The following SLC24A1 variants were observed in gnomAD, a reference collection of about 807,000 sequenced individuals.
SLC24A1 encodes solute carrier family 24 member 1, also known as sodium/potassium/calcium exchanger 1.
Under a neutral mutation model 88.1 loss-of-function variants are expected in SLC24A1, and 52 were observed. The ratio of observed to expected loss-of-function variants is 0.59; its 90% CI spans 0.47 to 0.74. The LOEUF (loss-of-function observed/expected upper bound fraction) is 0.74, where lower values mean the gene tolerates loss of function less well. Ranked by LOEUF, SLC24A1 falls within the 30% of genes least tolerant of loss-of-function variation. The pLI is 0.00. For synonymous variants in SLC24A1, 455 were observed against 498.0 expected, an observed-to-expected ratio of 0.91 and a Z score of 1.15; for missense variants, 1,173 against 1,363.3, an observed-to-expected ratio of 0.86 and a Z score of 2.20.
downstream of SLC24A1, chr15:65,659,351 T>TTTTTTTA (rs2075785606): frequency 7.5e-6 from 1 of 133,314 alleles, no homozygotes; most frequent in Non-Finnish European, 1.6e-5. Context: ...TTTTTTTTTT[T>TTTTTTTA]GAGACAGGGT....
chr15:65,651,560 C>CCAT (rs1239441534), intron 7 of SLC24A1, 110 bp from the exon 8 acceptor site: 4 of 678,782 alleles, frequency 5.9e-6, no homozygotes, highest in Middle Eastern at 4.0e-4. Flanking sequence ...CATTTTGCCT[C>CCAT]CATCACTCTT....
chr15:65,659,356 C>G (rs2075786755), downstream of SLC24A1: 1 of 73,996 alleles, frequency 1.4e-5, no homozygotes, highest in Non-Finnish European at 2.4e-5. Context: ...TTTTTTGAGA[C>G]AGGGTCTTGC....
At position 65,654,777 on chromosome 15, in the gene SLC24A1, C is replaced by T. The variant is rs1026656724; in HGVS notation, c.*698C>T. The T allele has an allele frequency of 9.3e-6, 10 of 1,078,642 alleles. No individual in the cohort carries two copies. The highest frequency in any genetic ancestry group is 1.2e-5 in the Non-Finnish European group (10 of 808,724). 66.8% of individuals were successfully genotyped at this position (1,078,642 alleles called of 1,614,324 possible). A position where few individuals can be genotyped will look rare whatever the true frequency, so the allele number is the denominator to read the frequency against. The stretch of plus-strand genomic sequence containing the variant: ...CTGGTGTGCAATGGCGTGATCTCGG[C>T]ACACCACAACCTTCACCTCCCCGGT... On this transcript the variant is annotated 3_prime_UTR_variant, in exon 10 of 10. Coordinates refer to ENST00000261892, the MANE Select transcript of SLC24A1 (RefSeq NM_004727.3).
At chr15:65,634,260 G>A (rs550536499) in intron 2 of SLC24A1, among the ~76,000 whole-genome samples, 2 of 152,302 alleles carry the variant, frequency 1.3e-5, no homozygotes, top group African/African-American at 4.8e-5. Context: ...TGTTATGGAT[G>A]GTTGAGAAGA....
chr15:65,655,363 C>G lies in SLC24A1; in HGVS notation c.*1284C>G. On this transcript the variant is annotated 3_prime_UTR_variant, in exon 10 of 10. Coordinates refer to ENST00000261892, the MANE Select transcript of SLC24A1 (RefSeq NM_004727.3). ...TTATGAATGGATCTTAAGGTAATTACAAAAGGGAAATTCCAAGAATGCATA... is the reference window on the plus strand; with the variant it reads ...TTATGAATGGATCTTAAGGTAATTAGAAAAGGGAAATTCCAAGAATGCATA... 1 of 985,190 alleles carries G rather than the reference C, an allele frequency of 1.0e-6. No homozygotes were observed. Among genetic ancestry groups the G allele is most frequent in the Admixed American group, 6.1e-5 (1 of 16,280 alleles). 61.0% of individuals were successfully genotyped at this position (985,190 alleles called of 1,614,324 possible). A position where few individuals can be genotyped will look rare whatever the true frequency, so the allele number is the denominator to read the frequency against.
chr15:65,624,806 G>A lies in SLC24A1; in HGVS notation c.726G>A (p.Glu242=), dbSNP rs1337573023. Residue 242 remains glutamate (E), a synonymous_variant, in exon 2 of 10, where the codon GAG becomes GAA. Coordinates refer to ENST00000261892, the MANE Select transcript of SLC24A1 (RefSeq NM_004727.3). ...CCAACTCTCTTAAGAGAATAATGGA[G>A]GAAACCACCCCAACCACTCTCAAGG... The part of the protein sequence containing the change: ...LETNSLKRIM[E]ETTPTTLKGM... 9 of 1,613,870 alleles carry A rather than the reference G, an allele frequency of 5.6e-6. No homozygotes were observed. The highest frequency in any genetic ancestry group is 5.5e-5 in the South Asian group (5 of 91,086).
downstream of SLC24A1, chr15:65,656,293 T>C (rs1247068991): frequency 5.6e-5 from 55 of 974,628 alleles, no homozygotes; most frequent in Non-Finnish European, 6.6e-5. Flanking sequence ...ATTTCTGGCA[T>C]ACCCCTTTGC....
intron 3 of SLC24A1, 69 bp downstream of exon 3, chr15:65,638,250 G>T: frequency 8.9e-7 from 1 of 1,121,800 alleles, no homozygotes; most frequent in Non-Finnish European, 1.3e-6. Context: ...CAGGCCCAGG[G>T]TATTGTGGCC....
chr15:65,650,903 GT>G lies in SLC24A1; in HGVS notation c.2756del (p.Phe919SerfsTer5). ...TTTACCTCTTCCTTCTGCCCATCGT[GT>G]TCCCACTGTGGCTGACAGTCCCCGA... ...AIYLFLLPIV[F>X]PLWLTVPDVR... On this transcript the variant is annotated frameshift_variant, in exon 7 of 10. Coordinates refer to ENST00000261892, the MANE Select transcript of SLC24A1 (RefSeq NM_004727.3). LOFTEE classifies it high-confidence loss of function. The surrounding 1 kb of genome is among the most constrained non-coding windows in gnomAD (Gnocchi z 4.1). 1 of 1,613,968 alleles carries G rather than the reference GT, an allele frequency of 6.2e-7. No individual in the cohort carries two copies. Among genetic ancestry groups the G allele is most frequent in the Non-Finnish European group, 8.5e-7 (1 of 1,179,882 alleles).
chr15:65,657,505 A>T (rs997295877), downstream of SLC24A1, among the ~76,000 whole-genome samples: 27 of 152,152 alleles, frequency 1.8e-4, no homozygotes, highest in South Asian at 6.2e-4. Flanking sequence ...TAGCCGGGCG[A>T]GGTGGCAGGC....
intron 5 of SLC24A1, among the ~76,000 whole-genome samples, chr15:65,644,959 C>T (rs985318802): frequency 9.9e-5 from 15 of 152,192 alleles, no homozygotes; most frequent in African/African-American, 3.4e-4. Flanking sequence ...GGTCTGGTGT[C>T]ACAGAAGTCT....
In SLC24A1 at chr15:65,655,614, TG is replaced by T; in HGVS notation, c.*1536del. On this transcript the variant is annotated 3_prime_UTR_variant, in exon 10 of 10. Transcript: ENST00000261892. Reference sequence around the variant, plus strand: ...TCAGAGCAAAATGAGCTCGGGTGACTGCAGATTATGATGGTAAATATGGCTT... The same window carrying T: ...TCAGAGCAAAATGAGCTCGGGTGACTCAGATTATGATGGTAAATATGGCTT... 1 of 985,368 alleles carries T rather than the reference TG, an allele frequency of 1.0e-6. No homozygotes were observed. The highest frequency in any genetic ancestry group is 1.2e-6 in the Non-Finnish European group (1 of 829,900). 61.0% of individuals were successfully genotyped at this position (985,368 alleles called of 1,614,324 possible). A position where few individuals can be genotyped will look rare whatever the true frequency, so the allele number is the denominator to read the frequency against.
chr15:65,616,939 C>T (rs543802929), upstream of SLC24A1, among the ~76,000 whole-genome samples: 3 of 152,196 alleles, frequency 2.0e-5, no homozygotes, highest in East Asian at 1.9e-4. Flanking sequence ...CAGCTTTCTA[C>T]GTGTGGCTAG....
At chr15:65,615,901 C>T (rs1172509351) in intron 2 of SLC24A1, among the ~76,000 whole-genome samples, 3 of 141,094 alleles carry the variant, frequency 2.1e-5, no homozygotes, top group Non-Finnish European at 4.6e-5. Flanking sequence ...CCAACAGGCC[C>T]CAGTGTGTGA....
At chr15:65,617,280 T>C (rs2074177593), upstream of SLC24A1, among the ~76,000 whole-genome samples, 2 of 152,242 alleles carry the variant, frequency 1.3e-5, no homozygotes, top group Non-Finnish European at 2.9e-5. Flanking sequence ...CATTGGTAGC[T>C]TGACGGGGAT....
chr15:65,647,875 A>C (rs2075358053), intron 6 of SLC24A1, among the ~76,000 whole-genome samples: 1 of 151,510 alleles, frequency 6.6e-6, no homozygotes, highest in Non-Finnish European at 1.5e-5. Context: ...GCATATTAGA[A>C]TAATTTGGGG....
Position 65,652,781 on chromosome 15 carries a change from G to T in SLC24A1, c.3023G>T (p.Gly1008Val). ...LGDMAVSSSV[G>V]SNIFDITVGL... ...GACATGGCTGTGTCAAGCTCTGTGG[G>T]CAGTAACATATTTGATATCACTGTG... The change falls in exon 9 of 10, where the codon GGC becomes GTC. Residue 1008 changes from glycine (G) to valine (V), a missense_variant. Coordinates refer to ENST00000261892, the MANE Select transcript of SLC24A1 (RefSeq NM_004727.3). The T allele has an allele frequency of 6.2e-7, 1 of 1,610,082 alleles. No individual in the cohort carries two copies. Among genetic ancestry groups the T allele is most frequent in the Non-Finnish European group, 8.5e-7 (1 of 1,176,872 alleles).
At chr15:65,618,684 G>C (rs2074226205), upstream of SLC24A1, among the ~76,000 whole-genome samples, 1 of 152,152 alleles carries the variant, frequency 6.6e-6, no homozygotes, top group African/African-American at 2.4e-5. Context: ...CTCTTTGTCA[G>C]CTTACAGGGA....
intron 2 of SLC24A1, among the ~76,000 whole-genome samples, chr15:65,627,082 C>T (rs946279589): frequency 1.3e-5 from 2 of 152,188 alleles, no homozygotes; most frequent in Non-Finnish European, 2.9e-5. Context: ...CCAAACTCAG[C>T]AACGTGTCTG....
Sources: allele counts gnomAD v4.1 joint callset (sites outside exome capture counted in the v4.1 genomes callset), GRCh38; gene constraint gnomAD v4.1.1; non-coding constraint Gnocchi (gnomAD v3.1); transcripts MANE v1.5; gene names NCBI Gene and HGNC (gene_info 2026-07-23, HGNC 2026-07-21).